EYA1: variants seen among roughly 807,000 people sequenced by gnomAD.
EYA1 encodes EYA transcriptional coactivator and phosphatase 1, also known as protein phosphatase EYA1.
EYA1 carries 16 observed loss-of-function variants against 82.0 expected under a neutral mutation model. That is an observed-to-expected ratio of 0.20 (90% CI 0.13 to 0.30). The LOEUF is 0.30. Ranked by LOEUF, EYA1 falls within the 10% of genes least tolerant of loss-of-function variation. The pLI is 1.00. For synonymous variants in EYA1, 261 were observed against 264.4 expected (o/e 0.99, Z 0.12); for missense variants, 633 against 730.7 (o/e 0.87, Z 1.54).
At chr8:71,517,974 A>C (rs1019828612) in intron 2 of EYA1, among the ~76,000 whole-genome samples, 1 of 151,904 alleles carries the variant, frequency 6.6e-6, no homozygotes, top group Admixed American at 6.6e-5. Context: ...TTCATCAGTA[A>C]AAATTTCAGC....
intron 2 of EYA1, among the ~76,000 whole-genome samples, chr8:71,459,448 C>T (rs4517153): frequency 0.097 from 14,725 of 152,142 alleles, 1,527 homozygotes; most frequent in East Asian, 0.48. Context: ...GCTGTACTGA[C>T]CTTCATTCTC....
chr8:71,334,549 G>T lies in EYA1; in HGVS notation c.125-375C>A, dbSNP rs563303356. ...TCTGTTATTTGGTCAGAGTCAAAAG[G>T]ATAGAACAGAAAGATGTGGGGAAGC... On this transcript the variant is annotated intron_variant, in intron 3 of 17. Transcript: ENST00000340726. Among the ~76,000 whole-genome samples, 12 of 152,224 alleles carry T rather than the reference G, an allele frequency of 7.9e-5. No homozygotes were observed. In the East Asian group the frequency reaches 2.1e-3, roughly 27 times the overall value.
chr8:71,344,309 G>T (rs1346291794), intron 3 of EYA1, among the ~76,000 whole-genome samples: 1 of 152,082 alleles, frequency 6.6e-6, no homozygotes, highest in Non-Finnish European at 1.5e-5. Context: ...TAAAAAAAAT[G>T]CAGACAGCAA....
intron 2 of EYA1, among the ~76,000 whole-genome samples, chr8:71,414,711 A>G (rs1830769623): frequency 1.3e-5 from 2 of 152,220 alleles, no homozygotes; most frequent in Non-Finnish European, 2.9e-5. Context: ...GCCAAGTCAC[A>G]TGGGAACTCT....
intron 2 of EYA1, among the ~76,000 whole-genome samples, chr8:71,431,353 A>G (rs1805604675): frequency 6.6e-6 from 1 of 152,150 alleles, no homozygotes; most frequent in South Asian, 2.1e-4. Context: ...TCTTGAATAC[A>G]ATACTTTCTT....
At chr8:71,522,372 C>A (rs545762271) in intron 2 of EYA1, among the ~76,000 whole-genome samples, 2 of 152,152 alleles carry the variant, frequency 1.3e-5, no homozygotes, top group Non-Finnish European at 2.9e-5. Context: ...TATCACCAAG[C>A]AGTAATGAGC....
intron 14 of EYA1, among the ~76,000 whole-genome samples, chr8:71,216,121 G>A (rs1200620523): frequency 6.6e-6 from 1 of 152,146 alleles, no homozygotes; most frequent in African/African-American, 2.4e-5. Context: ...GGATCTACTG[G>A]TGGTCATTTT....
At chr8:71,272,747 A>T (rs562999262) in intron 9 of EYA1, among the ~76,000 whole-genome samples, 248 of 152,336 alleles carry the variant, frequency 1.6e-3, no homozygotes, top group African/African-American at 5.7e-3. Flanking sequence ...TATCCAATAC[A>T]TACATCAGAA....
chr8:71,521,994 T>A (rs1413936383), intron 2 of EYA1, among the ~76,000 whole-genome samples: 1 of 152,172 alleles, frequency 6.6e-6, no homozygotes, highest in Non-Finnish European at 1.5e-5. Context: ...ATGGATCATA[T>A]GTCATTTTGC....
At chr8:71,542,596 G>A (rs1815229558) in intron 1 of EYA1, among the ~76,000 whole-genome samples, 1 of 152,152 alleles carries the variant, frequency 6.6e-6, no homozygotes. Context: ...GGATTCCTGG[G>A]TCAAATGGTA....
intron 2 of EYA1, among the ~76,000 whole-genome samples, chr8:71,494,256 A>G (rs551254071): frequency 2.0e-5 from 3 of 152,272 alleles, no homozygotes; most frequent in African/African-American, 7.2e-5. Flanking sequence ...TAGAAGCAAG[A>G]CAATGTTAAA....
At chr8:71,435,498 A>T (rs74202905) in intron 2 of EYA1, among the ~76,000 whole-genome samples, 1 of 152,202 alleles carries the variant, frequency 6.6e-6, no homozygotes, top group East Asian at 1.9e-4. Flanking sequence ...TGTCTTCGGG[A>T]TAAAAATGTA....
At chr8:71,213,721 T>C (rs888292157) in intron 16 of EYA1, among the ~76,000 whole-genome samples, 3 of 152,374 alleles carry the variant, frequency 2.0e-5, no homozygotes, top group South Asian at 2.1e-4. Flanking sequence ...CTGCCATTGA[T>C]TGAAGACCCC....
At chr8:71,456,713 G>A (rs187134841) in intron 2 of EYA1, among the ~76,000 whole-genome samples, 16 of 152,118 alleles carry the variant, frequency 1.1e-4, no homozygotes, top group Middle Eastern at 3.4e-3. Context: ...CCATATGTAG[G>A]AAGCTGAAAC....
rs559640873 is a variant in EYA1, at chr8:71,408,314, C to T, written c.34-51803G>A. On this transcript the variant is annotated intron_variant, in intron 2 of 18. Transcript: ENST00000643681. ...CGAGACTAGGAAGAAACTGCATCAA[C>T]TAACGAGCAAAAACACCAGCTAACA... Among the ~76,000 whole-genome samples the T allele has an allele frequency of 4.0e-3, 603 of 151,906 alleles. 2 individuals are homozygous for T. The highest frequency in any genetic ancestry group is 0.014 in the African/African-American group (579 of 41,432).
chr8:71,532,553 C>T (rs1479460413), intron 2 of EYA1, among the ~76,000 whole-genome samples: 1 of 152,140 alleles, frequency 6.6e-6, no homozygotes, highest in Admixed American at 6.5e-5. Flanking sequence ...CTAATAATAG[C>T]ACATGTTGAG....
chr8:71,263,870 G>A (rs1815439785), intron 11 of EYA1, among the ~76,000 whole-genome samples: 1 of 152,102 alleles, frequency 6.6e-6, no homozygotes, highest in Non-Finnish European at 1.5e-5. Flanking sequence ...TCAATCCTCG[G>A]TCTAGAGTTT....
intron 2 of EYA1, among the ~76,000 whole-genome samples, chr8:71,374,644 G>T (rs528795826): frequency 7.2e-5 from 11 of 152,280 alleles, no homozygotes; most frequent in African/African-American, 2.6e-4. Context: ...CAATCCCTTT[G>T]CTGGGTATAC....
chr8:71,477,842 TA>T (rs1165290247), intron 2 of EYA1, among the ~76,000 whole-genome samples: 1 of 152,150 alleles, frequency 6.6e-6, no homozygotes, highest in African/African-American at 2.4e-5. Context: ...TATCAGCTGA[TA>T]AACAGAAAAA....
Sources: allele counts gnomAD v4.1 joint callset (sites outside exome capture counted in the v4.1 genomes callset), GRCh38; gene constraint gnomAD v4.1.1; transcripts MANE v1.5; gene names NCBI Gene and HGNC (gene_info 2026-07-23, HGNC 2026-07-21).